Variants in UMAD1 observed in about 807,000 individuals in gnomAD.
UMAD1 encodes the protein UBAP1-MVB12-associated (UMA) domain containing 1.
A neutral mutation model predicts 6.1 loss-of-function variants in UMAD1; 8 were observed. The ratio of observed to expected loss-of-function variants is 1.30; its 90% CI spans 0.76 to 2.35. UMAD1 has a LOEUF of 2.35. Among genes scored for constraint, UMAD1 ranks in the 30% most tolerant of loss-of-function variants. The pLI, the probability that UMAD1 is intolerant of heterozygous loss-of-function variation, is 0.00. For missense variants in UMAD1, 130 were observed against 78.4 expected (o/e 1.66, Z -2.49); for synonymous variants, 56 against 31.4 (o/e 1.78, Z -2.61).
At chr7:7,777,505 CAAAAAAA>C (rs1191099834) in intron 2 of UMAD1, among the ~76,000 whole-genome samples, 2 of 24,566 alleles carry the variant, frequency 8.1e-5, no homozygotes, top group Non-Finnish European at 1.6e-4. Context: ...GACTCCATCT[CAAAAAAA>C]AAAAAAAAAA....
At chr7:7,789,607 A>G (rs13310060) in intron 2 of UMAD1, among the ~76,000 whole-genome samples, 91,952 of 149,008 alleles carry the variant, frequency 0.62, 28,656 homozygotes, top group East Asian at 0.73. Flanking sequence ...TCGTTAAACA[A>G]AATACCCCTT....
intron 2 of UMAD1, among the ~76,000 whole-genome samples, chr7:7,794,217 C>G (rs921417723): frequency 6.6e-6 from 1 of 152,108 alleles, no homozygotes; most frequent in Non-Finnish European, 1.5e-5. Flanking sequence ...AGGCTCCAAC[C>G]CAGTCCACAA....
chr7:7,722,403 G>T (rs945292072), intron 2 of UMAD1, among the ~76,000 whole-genome samples: 3 of 152,006 alleles, frequency 2.0e-5, no homozygotes, highest in African/African-American at 4.8e-5. Context: ...AGAGAACACT[G>T]ATAGTCCTTG....
intron 3 of UMAD1, among the ~76,000 whole-genome samples, chr7:7,817,738 C>T (rs1217039612): frequency 2.0e-5 from 3 of 152,078 alleles, no homozygotes; most frequent in Admixed American, 6.6e-5. Context: ...GTATCTCATC[C>T]GTTTTTGCAT....
intron 2 of UMAD1, among the ~76,000 whole-genome samples, chr7:7,711,021 C>T (rs532894189): frequency 1.4e-4 from 21 of 152,172 alleles, no homozygotes; most frequent in South Asian, 8.3e-4. Context: ...AATCATTGGT[C>T]GCCGGTGGGT....
At position 7,695,896 on chromosome 7, in the gene UMAD1, A is replaced by G. The variant is rs562007572; in HGVS notation, c.82+22443A>G. 3.3e-5 allele frequency among the ~76,000 whole-genome samples: 5 copies of G among 151,518 alleles called. No individual in the cohort carries two copies. In the East Asian group the frequency reaches 9.7e-4, roughly 29 times the overall value. On this transcript the variant is annotated intron_variant, in intron 2 of 3. Transcript: ENST00000682710. The stretch of plus-strand genomic sequence containing the variant: ...CACTAATGGTTGGATTTAGTATCCA[A>G]CCATGGCAGGAGTGTGAAACAGTGA...
intron 2 of UMAD1, among the ~76,000 whole-genome samples, chr7:7,716,972 C>A (rs1006180068): frequency 1.3e-4 from 20 of 152,128 alleles, no homozygotes; most frequent in Non-Finnish European, 4.4e-5. Flanking sequence ...CCTCTTCTTG[C>A]CCTGAACCCG....
rs575688386 is a variant in UMAD1, at chr7:7,726,249, A to G, written c.82+52796A>G. Reference sequence around the variant, plus strand: ...CCTCAGCAATGCTTCTGCCAAGACTATCATCCATGGACTCATGGAATACCT... The same window carrying G: ...CCTCAGCAATGCTTCTGCCAAGACTGTCATCCATGGACTCATGGAATACCT... On this transcript the variant is annotated intron_variant, in intron 2 of 3. Transcript: ENST00000682710. Among the ~76,000 whole-genome samples, 7 of 152,348 alleles carry G rather than the reference A, an allele frequency of 4.6e-5. 1 individual carries two copies. Among genetic ancestry groups the G allele is most frequent in the Middle Eastern group, 6.8e-3 (2 of 294 alleles).
At chr7:7,872,989 T>A (rs79071249) in intron 3 of UMAD1, among the ~76,000 whole-genome samples, 2,142 of 152,352 alleles carry the variant, frequency 0.014, 55 homozygotes, top group African/African-American at 0.047. Context: ...AAACTTCATC[T>A]AAACCCAAAT....
At chr7:7,748,078 A>G (rs1001800272) in intron 2 of UMAD1, among the ~76,000 whole-genome samples, 2 of 149,394 alleles carry the variant, frequency 1.3e-5, no homozygotes, top group Non-Finnish European at 3.0e-5. Flanking sequence ...CTGGGACTAC[A>G]GGGGCCTGCC....
intron 1 of UMAD1, among the ~76,000 whole-genome samples, chr7:7,644,461 G>C (rs757572580): frequency 6.7e-6 from 1 of 150,188 alleles, no homozygotes; most frequent in Non-Finnish European, 1.5e-5. Context: ...TGAATTCTTT[G>C]ATACATCGTA....
At chr7:7,717,855 C>T (rs1426589612) in intron 2 of UMAD1, among the ~76,000 whole-genome samples, 1 of 152,110 alleles carries the variant, frequency 6.6e-6, no homozygotes, top group African/African-American at 2.4e-5. Flanking sequence ...TATGATTGGC[C>T]ATAATTATCA....
At chr7:7,707,744 AG>A (rs1418113095) in intron 2 of UMAD1, among the ~76,000 whole-genome samples, 2 of 152,202 alleles carry the variant, frequency 1.3e-5, no homozygotes, top group African/African-American at 2.4e-5. Flanking sequence ...AAATCGGCCA[AG>A]GTATCTTTGG....
intron 2 of UMAD1, among the ~76,000 whole-genome samples, chr7:7,773,266 A>C (rs939841468): frequency 2.0e-5 from 3 of 152,236 alleles, no homozygotes; most frequent in African/African-American, 7.2e-5. Flanking sequence ...AAGTTGCAAC[A>C]TTAGGGGATC....
chr7:7,694,868 G>C (rs1780269817), intron 2 of UMAD1, among the ~76,000 whole-genome samples: 1 of 152,060 alleles, frequency 6.6e-6, no homozygotes, highest in Non-Finnish European at 1.5e-5. Flanking sequence ...CTATATCTTT[G>C]TTATCCTGAT....
At chr7:7,767,615 G>T (rs1466045981) in intron 2 of UMAD1, among the ~76,000 whole-genome samples, 1 of 152,124 alleles carries the variant, frequency 6.6e-6, no homozygotes, top group Non-Finnish European at 1.5e-5. Flanking sequence ...GCCAGCTCTG[G>T]ATCATAATAG....
At chr7:7,863,569 GTGTTT>G (rs1166005135) in intron 3 of UMAD1, among the ~76,000 whole-genome samples, 2 of 151,924 alleles carry the variant, frequency 1.3e-5, no homozygotes, top group Admixed American at 6.6e-5. Flanking sequence ...TTTTTGTTTT[GTGTTT>G]TGTTTTGTTT....
intron 2 of UMAD1, among the ~76,000 whole-genome samples, chr7:7,753,412 C>T (rs1016185314): frequency 1.3e-5 from 2 of 152,180 alleles, no homozygotes; most frequent in Non-Finnish European, 2.9e-5. Flanking sequence ...CATCAATCCC[C>T]CCAACTCCCC....
intron 2 of UMAD1, among the ~76,000 whole-genome samples, chr7:7,722,171 G>GTA (rs1188695147): frequency 7.1e-6 from 1 of 140,380 alleles, no homozygotes; most frequent in African/African-American, 3.0e-5. Context: ...ATATATATAT[G>GTA]TATATATATG....
Sources: allele counts gnomAD v4.1 joint callset (sites outside exome capture counted in the v4.1 genomes callset), GRCh38; gene constraint gnomAD v4.1.1; transcripts MANE v1.5; gene names NCBI Gene and HGNC (gene_info 2026-07-23, HGNC 2026-07-21).